Variants in MAP2K1 observed in about 807,000 individuals in gnomAD.
The protein encoded by MAP2K1 is dual specificity mitogen-activated protein kinase kinase 1.
A neutral mutation model predicts 46.3 loss-of-function variants in MAP2K1; 16 were observed. The ratio of observed to expected loss-of-function variants is 0.35; its 90% confidence interval spans 0.23 to 0.52. The LOEUF is 0.52. Among genes scored for constraint, MAP2K1 ranks in the 20% least tolerant of loss-of-function variants. The pLI, the probability that MAP2K1 is intolerant of heterozygous loss-of-function variation, is 0.94. For missense variants in MAP2K1, 263 were observed against 497.1 expected (o/e 0.53, Z 4.48); for synonymous variants, 183 against 185.6 (o/e 0.99, Z 0.11).
chr15:66,487,205 T>G (rs1322937080), intron 7 of MAP2K1, 23 bp from the exon 8 acceptor site: 2 of 1,608,996 alleles, frequency 1.2e-6, no homozygotes, highest in African/African-American at 2.7e-5. Context: ...GAGAAGTATT[T>G]TTTCTTTTTA....
At chr15:66,436,679 A>G (rs1454169032) in intron 2 of MAP2K1, 67 bp from the exon 3 acceptor site, 1 of 1,458,532 alleles carries the variant, frequency 6.9e-7, no homozygotes, top group African/African-American at 1.4e-5. Flanking sequence ...ATTTAACAAG[A>G]CTATATCTTT....
intron 5 of MAP2K1, among the ~76,000 whole-genome samples, chr15:66,465,026 C>T (rs138184357): frequency 4.6e-5 from 7 of 151,326 alleles, no homozygotes; most frequent in Non-Finnish European, 1.0e-4. Flanking sequence ...AGTTCAAGAC[C>T]AGCCTGGCCA....
chr15:66,430,472 G>C (rs1271889868), intron 1 of MAP2K1, among the ~76,000 whole-genome samples: 1 of 152,158 alleles, frequency 6.6e-6, no homozygotes, highest in African/African-American at 2.4e-5. Context: ...CTGTGTGGCA[G>C]TTTGGAGATC....
At chr15:66,487,377 G>A (rs976610430) in intron 8 of MAP2K1, 85 bp downstream of exon 8, 17 of 1,272,864 alleles carry the variant, frequency 1.3e-5, no homozygotes, top group Admixed American at 5.1e-5. Context: ...AGTGGTTCAC[G>A]CCTGTAATCC....
At chr15:66,448,972 C>G (rs1019150817) in intron 5 of MAP2K1, among the ~76,000 whole-genome samples, 1 of 119,878 alleles carries the variant, frequency 8.3e-6, no homozygotes, top group African/African-American at 3.2e-5. Context: ...CCACTGCACT[C>G]TAGCCCAGGC....
chr15:66,412,909 A>C (rs982606023), intron 1 of MAP2K1, among the ~76,000 whole-genome samples: 1 of 151,348 alleles, frequency 6.6e-6, no homozygotes, highest in Non-Finnish European at 1.5e-5. Flanking sequence ...TATTATTATT[A>C]TTTTTTGACA....
intron 3 of MAP2K1, among the ~76,000 whole-genome samples, chr15:66,442,059 C>G (rs970869411): frequency 6.6e-6 from 1 of 152,198 alleles, no homozygotes; most frequent in Non-Finnish European, 1.5e-5. Context: ...CCTGCAGAGC[C>G]TGGCTTCACA....
intron 5 of MAP2K1, among the ~76,000 whole-genome samples, chr15:66,470,597 T>G (rs1184707299): frequency 1.3e-5 from 2 of 152,186 alleles, no homozygotes; most frequent in Non-Finnish European, 2.9e-5. Context: ...CTCCAAATTT[T>G]GGGAGATCGG....
intron 9 of MAP2K1, 192 bp downstream of exon 9, chr15:66,489,468 A>G: frequency 1.5e-6 from 1 of 677,970 alleles, no homozygotes; most frequent in Non-Finnish European, 2.6e-6. Context: ...TAACTACATC[A>G]TGGATGTAGT....
In MAP2K1 at chr15:66,489,223, A is replaced by C. The variant is rs776941883; in HGVS notation, c.969A>C (p.Pro323=). 2 of 1,614,070 alleles carry C rather than the reference A, an allele frequency of 1.2e-6. No homozygotes were observed. The highest frequency in any genetic ancestry group is 1.7e-6 in the Non-Finnish European group (2 of 1,179,920). The change falls in exon 9 of 11, where the codon CCA becomes CCC. Residue 323 remains proline (P), a synonymous_variant. Coordinates refer to ENST00000307102, the MANE Select transcript of MAP2K1 (RefSeq NM_002755.4). ...LLDYIVNEPP[P]KLPSGVFSLE... is the part of the protein sequence containing the mutation. ...TCAACATGTGTTTGCAGCCTCCTCC[A>C]AAACTGCCCAGTGGAGTGTTCAGTC... is the stretch of plus-strand genomic sequence containing the variant.
chr15:66,405,277 T>C (rs2093393606), intron 1 of MAP2K1, among the ~76,000 whole-genome samples: 1 of 152,186 alleles, frequency 6.6e-6, no homozygotes, highest in Non-Finnish European at 1.5e-5. Context: ...GCCAGAGGGC[T>C]TTCTGGATCT....
chr15:66,401,890 C>A, intron 1 of MAP2K1: 1 of 910,158 alleles, frequency 1.1e-6, no homozygotes, highest in Non-Finnish European at 1.6e-6. Context: ...GAGAAGCCAG[C>A]AAGTAGTTGA....
chr15:66,436,727 T>G lies in MAP2K1; in HGVS notation c.292-19T>G, dbSNP rs2093489010. 1 of 1,613,624 alleles carries G rather than the reference T, an allele frequency of 6.2e-7. No individual in the cohort carries two copies. The highest frequency in any genetic ancestry group is 1.1e-5 in the South Asian group (1 of 91,058). On this transcript the variant is annotated intron_variant, in intron 2 of 10. Transcript: ENST00000307102. ...CCTCTTTCTTTCATAAAACCTCTCT[T>G]TCTTCCACCTTTCTCCAGCTAATTC... is the stretch of plus-strand genomic sequence containing the variant.
In MAP2K1 at chr15:66,443,293, TG is replaced by T. The variant is rs755398652; in HGVS notation, c.454del (p.Asp152IlefsTer4). 6.2e-7 allele frequency: 1 copy of T among 1,610,494 alleles called. No homozygotes were observed. Among genetic ancestry groups the T allele is most frequent in the Non-Finnish European group, 8.5e-7 (1 of 1,176,718 alleles). On this transcript the variant is annotated frameshift_variant, in exon 4 of 11. Coordinates refer to ENST00000307102, the MANE Select transcript of MAP2K1 (RefSeq NM_002755.4). LOFTEE classifies it high-confidence loss of function. ...ICMEHMDGGS[L>X]DQVLKKAGRI... ...TCTCGATCTTAGGATGGAGGTTCTC[TG>T]GATCAAGTCCTGAAGAAAGCTGGAA... is the stretch of plus-strand genomic sequence containing the variant.
chr15:66,444,881 T>G (rs1327165340), intron 5 of MAP2K1, 174 bp downstream of exon 5: 2 of 624,166 alleles, frequency 3.2e-6, no homozygotes, highest in Non-Finnish European at 5.8e-6. Flanking sequence ...TCCTACCCTC[T>G]TTTTGGTCTT....
chr15:66,462,470 C>T (rs926358420), intron 5 of MAP2K1, among the ~76,000 whole-genome samples: 9 of 135,726 alleles, frequency 6.6e-5, no homozygotes, highest in African/African-American at 2.7e-4. Flanking sequence ...GCACTCCACC[C>T]TGGGCGACAG....
intron 5 of MAP2K1, among the ~76,000 whole-genome samples, chr15:66,458,230 A>C (rs769817645): frequency 3.3e-5 from 5 of 152,218 alleles, no homozygotes; most frequent in African/African-American, 9.6e-5. Context: ...ATTTAAAGCA[A>C]TAATTTGCAT....
intron 1 of MAP2K1, chr15:66,401,847 A>G (rs1470872338): frequency 3.4e-6 from 2 of 595,984 alleles, no homozygotes; most frequent in South Asian, 1.5e-5. Context: ...GGGATGAGCA[A>G]CTTCACACAA....
intron 9 of MAP2K1, 117 bp downstream of exon 9, chr15:66,489,393 G>A (rs561927967): frequency 5.7e-5 from 56 of 987,620 alleles, no homozygotes; most frequent in East Asian, 4.6e-4. Flanking sequence ...TTACCCTCCC[G>A]TCTGATGATT....
Sources: gnomAD v4.1 joint callset for allele counts (sites outside exome capture counted in the v4.1 genomes callset) on GRCh38, gnomAD v4.1.1 for gene constraint, MANE v1.5 for transcripts, NCBI Gene and HGNC (gene_info 2026-07-23, HGNC 2026-07-21) for gene names.